KDM6A: variants seen among roughly 807,000 people sequenced by gnomAD.
KDM6A encodes lysine-specific demethylase 6A.
In KDM6A, 11 loss-of-function variants were observed where a neutral mutation model predicts 117.6. The observed-to-expected ratio is 0.09, with a 90% CI of 0.06 to 0.15. The LOEUF is 0.15. Among genes scored for constraint, KDM6A ranks in the 10% least tolerant of loss-of-function variants. The probability of loss-of-function intolerance (pLI) is 1.00; values close to 1 mark genes in which losing one functional copy is unlikely to be tolerated. For missense variants in KDM6A, 799 were observed against 1,077.3 expected, an observed-to-expected ratio of 0.74 and a Z score of 3.62; for synonymous variants, 384 against 396.1, an observed-to-expected ratio of 0.97 and a Z score of 0.36.
intron 3 of KDM6A, among the ~76,000 whole-genome samples, chrX:44,970,505 T>C (rs914498050): frequency 9.0e-6 from 1 of 111,534 alleles, no homozygotes; most frequent in Non-Finnish European, 1.9e-5. Flanking sequence ...CATCATACTG[T>C]CTTTTTAAAG....
intron 4 of KDM6A, among the ~76,000 whole-genome samples, chrX:44,978,726 C>A (rs1243355381): frequency 8.9e-6 from 1 of 111,901 alleles, no homozygotes; most frequent in East Asian, 2.8e-4. Flanking sequence ...TTTCCATCAC[C>A]CAAAGTGTTC....
At chrX:45,057,414 T>G (rs1374362202) in intron 10 of KDM6A, among the ~76,000 whole-genome samples, 3 of 111,441 alleles carry the variant, frequency 2.7e-5, no homozygotes, top group African/African-American at 9.8e-5. Context: ...CACAAAGCCT[T>G]TATCAATCTT....
At chrX:44,907,471 T>G (rs199780729) in intron 2 of KDM6A, among the ~76,000 whole-genome samples, 8 of 86,271 alleles carry the variant, frequency 9.3e-5, no homozygotes, top group East Asian at 3.5e-4. Flanking sequence ...GTGTGTGTGG[T>G]TTTTTTTTTC....
chrX:44,916,274 A>G (rs993131108), intron 2 of KDM6A, among the ~76,000 whole-genome samples: 1 of 110,623 alleles, frequency 9.0e-6, no homozygotes, highest in African/African-American at 3.3e-5. Context: ...CATATACTTA[A>G]TGTTCATTGT....
At chrX:45,055,403 AACTCATTATTAACAT>A (rs2044029920) in intron 10 of KDM6A, among the ~76,000 whole-genome samples, 1 of 111,298 alleles carries the variant, frequency 9.0e-6, no homozygotes, top group Non-Finnish European at 1.9e-5. Context: ...ACATTTGATT[AACTCATTATTAACAT>A]ACAATAAGAG....
chrX:44,987,547 G>A (rs1602461432), intron 4 of KDM6A, among the ~76,000 whole-genome samples: 1 of 111,828 alleles, frequency 8.9e-6, no homozygotes, highest in South Asian at 3.7e-4. Flanking sequence ...GGCTGGTACT[G>A]GTTGTTCCTT....
intron 27 of KDM6A, among the ~76,000 whole-genome samples, chrX:45,098,780 GA>G (rs1433589681): frequency 3.6e-5 from 4 of 111,623 alleles, no homozygotes; most frequent in Non-Finnish European, 7.5e-5. Flanking sequence ...CCCATACAAA[GA>G]AATGAATAAA....
intron 2 of KDM6A, among the ~76,000 whole-genome samples, chrX:44,923,538 CTTTTTTTTTTTT>C (rs142581355): frequency 3.1e-5 from 1 of 32,198 alleles, no homozygotes; most frequent in Admixed American, 5.5e-4. Flanking sequence ...ATCTTCTCTG[CTTTTTTTTTTTT>C]TTTTTTTTTT....
At chrX:45,058,981 T>TTTTTTTTTTC in intron 10 of KDM6A, 25 bp from the exon 11 acceptor site, 1 of 1,144,066 alleles carries the variant, frequency 8.7e-7, no homozygotes, top group Non-Finnish European at 1.2e-6. Context: ...TCTTGATTTT[T>TTTTTTTTTTC]TTTTTTTTTC....
intron 2 of KDM6A, among the ~76,000 whole-genome samples, chrX:44,939,996 A>G (rs1316224734): frequency 8.9e-6 from 1 of 112,363 alleles, no homozygotes. Flanking sequence ...TGATAATTCT[A>G]TTGTGGCGGT....
At chrX:45,011,383 A>G (rs2041751353) in intron 5 of KDM6A, among the ~76,000 whole-genome samples, 1 of 111,613 alleles carries the variant, frequency 9.0e-6, no homozygotes, top group Admixed American at 9.5e-5. Flanking sequence ...TAAATGGTCT[A>G]TGATGGCTAG....
chrX:44,904,578 G>A (rs928500522), intron 2 of KDM6A, among the ~76,000 whole-genome samples: 8 of 111,649 alleles, frequency 7.2e-5, no homozygotes, highest in African/African-American at 2.6e-4. Flanking sequence ...TCAACAAATG[G>A]CCTTCAAGTA....
chrX:45,046,543 T>A (rs1227687235), intron 8 of KDM6A, among the ~76,000 whole-genome samples: 1 of 111,525 alleles, frequency 9.0e-6, no homozygotes, highest in East Asian at 2.8e-4. Flanking sequence ...CAGGAAAAAA[T>A]TCTATTTAGA....
At chrX:45,007,649 C>T (rs956899096) in intron 4 of KDM6A, among the ~76,000 whole-genome samples, 4 of 112,191 alleles carry the variant, frequency 3.6e-5, no homozygotes, top group Admixed American at 9.4e-5. Flanking sequence ...TATGGAAGTG[C>T]GCCCTGTGCT....
intron 6 of KDM6A, among the ~76,000 whole-genome samples, chrX:45,023,623 G>A (rs1032712554): frequency 8.9e-6 from 1 of 111,770 alleles, no homozygotes; most frequent in Non-Finnish European, 1.9e-5. Flanking sequence ...GTGAATATAT[G>A]TGTGTGTTTG....
At chrX:45,097,727 C>G (rs2046172010) in intron 27 of KDM6A, among the ~76,000 whole-genome samples, 1 of 111,790 alleles carries the variant, frequency 8.9e-6, no homozygotes, top group Admixed American at 9.5e-5. Context: ...CAGTATCACT[C>G]TTGCTTTTTC....
At chrX:45,059,503 A>G (rs963985708) in intron 12 of KDM6A, 37 bp downstream of exon 12, 1 of 996,207 alleles carries the variant, frequency 1.0e-6, no homozygotes, top group African/African-American at 1.9e-5. Flanking sequence ...AAAGCCACAT[A>G]TTTCCCCAGA....
intron 8 of KDM6A, among the ~76,000 whole-genome samples, chrX:45,050,425 A>C (rs1225055095): frequency 8.9e-6 from 1 of 112,183 alleles, no homozygotes; most frequent in Non-Finnish European, 1.9e-5. Flanking sequence ...GTGTGTGTGT[A>C]GCTCCTTAAT....
chrX:45,053,010 G>A (rs1328800323), intron 9 of KDM6A, among the ~76,000 whole-genome samples: 1 of 111,595 alleles, frequency 9.0e-6, no homozygotes, highest in African/African-American at 3.3e-5. Context: ...TTTTATATAG[G>A]GTGCGAATAT....
Sources: allele counts gnomAD v4.1 joint callset (sites outside exome capture counted in the v4.1 genomes callset), GRCh38; gene constraint gnomAD v4.1.1; transcripts MANE v1.5; gene names NCBI Gene and HGNC (gene_info 2026-07-23, HGNC 2026-07-21).